SORBS2: variants seen among roughly 807,000 people sequenced by gnomAD.
The protein encoded by SORBS2 is sorbin and SH3 domain-containing protein 2.
Under a neutral mutation model 97.7 loss-of-function variants are expected in SORBS2, and 46 were observed. The observed-to-expected ratio is 0.47, with a 90% CI of 0.37 to 0.60. The LOEUF (loss-of-function observed/expected upper bound fraction) is 0.60, where lower values mean the gene tolerates loss of function less well. SORBS2 is among the 20% of genes least tolerant of loss of function. SORBS2 has a pLI of 0.00. For missense variants in SORBS2, 1,316 were observed against 1,282.3 expected (o/e 1.03, Z -0.40); for synonymous variants, 476 against 473.4 (o/e 1.01, Z -0.07).
At chr4:185,762,069 C>A (rs1032711451) in intron 2 of SORBS2, among the ~76,000 whole-genome samples, 11 of 152,156 alleles carry the variant, frequency 7.2e-5, no homozygotes, top group African/African-American at 2.7e-4. Flanking sequence ...CAGGATACTA[C>A]TGAGAAATCC....
intron 1 of SORBS2, among the ~76,000 whole-genome samples, chr4:185,907,906 T>A (rs868806059): frequency 1.3e-5 from 2 of 152,172 alleles, no homozygotes; most frequent in South Asian, 4.2e-4. Flanking sequence ...ATATACACAA[T>A]TGTCTGCCTT....
At chr4:185,841,279 T>G (rs2153677641) in intron 1 of SORBS2, among the ~76,000 whole-genome samples, 1 of 152,212 alleles carries the variant, frequency 6.6e-6, no homozygotes, top group Non-Finnish European at 1.5e-5. Flanking sequence ...CAACAGTTAG[T>G]TGTTGCCAAA....
chr4:185,665,992 A>G, intron 4 of SORBS2: 1 of 1,280,752 alleles, frequency 7.8e-7, no homozygotes, highest in Non-Finnish European at 1.0e-6. Context: ...GCAATGGGAA[A>G]GGCTCTGGGG....
At chr4:185,914,535 T>A (rs763476652) in intron 1 of SORBS2, among the ~76,000 whole-genome samples, 1 of 152,264 alleles carries the variant, frequency 6.6e-6, no homozygotes, top group African/African-American at 2.4e-5. Flanking sequence ...TAACAGTTTA[T>A]AAAGGTGCAA....
chr4:185,694,475 G>A (rs750771631), intron 2 of SORBS2, among the ~76,000 whole-genome samples: 4 of 152,158 alleles, frequency 2.6e-5, no homozygotes, highest in Admixed American at 1.3e-4. Context: ...AGGGGATTGT[G>A]TTTACTTTTG....
intron 1 of SORBS2, among the ~76,000 whole-genome samples, chr4:185,872,364 G>A (rs6552930): frequency 0.21 from 32,116 of 152,024 alleles, 5,175 homozygotes; most frequent in African/African-American, 0.45. Context: ...CAAACCACAC[G>A]CATAGCCTTA....
intron 2 of SORBS2, among the ~76,000 whole-genome samples, chr4:185,726,967 A>G (rs1192069983): frequency 6.6e-6 from 1 of 152,148 alleles, no homozygotes; most frequent in Non-Finnish European, 1.5e-5. Flanking sequence ...GCCTTGTTTT[A>G]TATTTACTTG....
intron 1 of SORBS2, among the ~76,000 whole-genome samples, chr4:185,861,101 C>A (rs1561243565): frequency 6.6e-6 from 1 of 152,140 alleles, no homozygotes; most frequent in East Asian, 1.9e-4. Context: ...TGCTGTCTAT[C>A]TTGTTGGCAT....
chr4:185,701,572 T>A (rs1180513930), intron 2 of SORBS2, among the ~76,000 whole-genome samples: 1 of 152,222 alleles, frequency 6.6e-6, no homozygotes, highest in Non-Finnish European at 1.5e-5. Context: ...TGGGACCACA[T>A]GCATTTACAT....
chr4:185,927,753 T>C (rs2099264431), intron 1 of SORBS2, among the ~76,000 whole-genome samples: 1 of 152,246 alleles, frequency 6.6e-6, no homozygotes, highest in African/African-American at 2.4e-5. Flanking sequence ...AGTGGTTTAA[T>C]TTGTCAAATA....
intron 1 of SORBS2, among the ~76,000 whole-genome samples, chr4:185,880,502 T>G (rs2099236301): frequency 6.6e-6 from 1 of 152,230 alleles, no homozygotes; most frequent in African/African-American, 2.4e-5. Flanking sequence ...GAAAAAACAG[T>G]GTTTTGTTAT....
intron 4 of SORBS2, among the ~76,000 whole-genome samples, chr4:185,676,704 T>C (rs536071417): frequency 4.9e-4 from 75 of 151,968 alleles, no homozygotes; most frequent in African/African-American, 1.6e-3. Flanking sequence ...TGCAATGTCT[T>C]AAATGATAAC....
At chr4:185,776,830 G>A (rs904987764) in intron 1 of SORBS2, among the ~76,000 whole-genome samples, 3 of 151,076 alleles carry the variant, frequency 2.0e-5, no homozygotes, top group African/African-American at 7.3e-5. Context: ...AAGCCGGGAG[G>A]TGGAGGTTGC....
chr4:185,859,995 AT>A (rs1334682337), intron 1 of SORBS2, among the ~76,000 whole-genome samples: 1 of 152,230 alleles, frequency 6.6e-6, no homozygotes, highest in Non-Finnish European at 1.5e-5. Context: ...TCCATAATTT[AT>A]TATTAACATA....
At chr4:185,778,255 G>A (rs1261271415) in intron 1 of SORBS2, among the ~76,000 whole-genome samples, 1 of 152,182 alleles carries the variant, frequency 6.6e-6, no homozygotes, top group African/African-American at 2.4e-5. Context: ...CAGAAGCTTC[G>A]TAAAAACAGA....
chr4:185,867,329 T>A (rs1215350104), intron 1 of SORBS2, among the ~76,000 whole-genome samples: 2 of 152,116 alleles, frequency 1.3e-5, no homozygotes, highest in Non-Finnish European at 2.9e-5. Context: ...ATTTTAAAGA[T>A]GAAAATAGAA....
chr4:185,844,667 G>A (rs546961453), intron 1 of SORBS2, among the ~76,000 whole-genome samples: 6 of 152,196 alleles, frequency 3.9e-5, no homozygotes, highest in African/African-American at 1.2e-4. Context: ...TGCTCACAGC[G>A]GCATTATTTA....
intron 2 of SORBS2, among the ~76,000 whole-genome samples, chr4:185,651,543 C>A (rs1399396430): frequency 6.6e-6 from 1 of 152,124 alleles, no homozygotes; most frequent in Admixed American, 6.6e-5. Context: ...GTTAAACATT[C>A]CTGAAGCTGA....
intron 1 of SORBS2, among the ~76,000 whole-genome samples, chr4:185,868,155 C>CTTT (rs1431293135): frequency 0.016 from 1,564 of 100,396 alleles, 201 homozygotes; most frequent in African/African-American, 0.059. Context: ...TTCTTTTTTT[C>CTTT]TTTCTTTTTT....
Sources: allele counts gnomAD v4.1 joint callset (sites outside exome capture counted in the v4.1 genomes callset), GRCh38; gene constraint gnomAD v4.1.1; transcripts MANE v1.5; gene names NCBI Gene and HGNC (gene_info 2026-07-23, HGNC 2026-07-21).